Variants in SNX29 observed in about 807,000 individuals in gnomAD.
The protein encoded by SNX29 is sorting nexin-29.
Under a neutral mutation model 102.1 loss-of-function variants are expected in SNX29, and 78 were observed. The observed-to-expected ratio is 0.76, with a 90% CI of 0.64 to 0.92. SNX29 has a LOEUF of 0.92. SNX29 is among the 40% of genes least tolerant of loss of function. SNX29 has a pLI of 0.00. For missense variants in SNX29, 1,280 were observed against 1,061.7 expected, an observed-to-expected ratio of 1.21 and a Z score of -2.86; for synonymous variants, 580 against 414.5, an observed-to-expected ratio of 1.40 and a Z score of -4.85.
chr16:12,386,604 C>G (rs554317932), intron 16 of SNX29, among the ~76,000 whole-genome samples: 6 of 152,218 alleles, frequency 3.9e-5, no homozygotes, highest in African/African-American at 1.4e-4. Context: ...TGGTAAGATG[C>G]CATTCCAGAG....
chr16:12,028,603 A>G (rs1209836839), intron 4 of SNX29, among the ~76,000 whole-genome samples: 1 of 150,990 alleles, frequency 6.6e-6, no homozygotes, highest in Non-Finnish European at 1.5e-5. Flanking sequence ...GGCTCAAGTG[A>G]TCTTCCCACC....
intron 19 of SNX29, among the ~76,000 whole-genome samples, chr16:12,513,091 G>A (rs2089704809): frequency 1.3e-5 from 2 of 152,006 alleles, no homozygotes; most frequent in Non-Finnish European, 2.9e-5. Context: ...ATCCTGCCCT[G>A]CGTACCCCTT....
intron 11 of SNX29, among the ~76,000 whole-genome samples, chr16:12,090,766 T>A (rs2052486188): frequency 6.6e-6 from 1 of 151,968 alleles, no homozygotes; most frequent in African/African-American, 2.4e-5. Flanking sequence ...ATCCCAGCAC[T>A]TTGGGAGGCT....
At chr16:12,147,776 G>C (rs937688251) in intron 13 of SNX29, among the ~76,000 whole-genome samples, 1 of 152,178 alleles carries the variant, frequency 6.6e-6, no homozygotes, top group Non-Finnish European at 1.5e-5. Flanking sequence ...TTCACAAGGT[G>C]GCAATTTCCA....
intron 8 of SNX29, among the ~76,000 whole-genome samples, chr16:12,059,119 C>A (rs891836398): frequency 6.6e-6 from 1 of 152,070 alleles, no homozygotes; most frequent in Admixed American, 6.6e-5. Flanking sequence ...GGGCTCACTT[C>A]TCGGGTTTGG....
At chr16:12,348,405 A>C (rs1049841867) in intron 15 of SNX29, among the ~76,000 whole-genome samples, 1 of 152,306 alleles carries the variant, frequency 6.6e-6, no homozygotes, top group Middle Eastern at 3.4e-3. Flanking sequence ...TACTTACTCT[A>C]GGTGCCCCTT....
chr16:12,565,639 CAT>C (rs939761072), intron 20 of SNX29, among the ~76,000 whole-genome samples: 9 of 152,232 alleles, frequency 5.9e-5, no homozygotes, highest in African/African-American at 2.2e-4. Flanking sequence ...ACATGTGACA[CAT>C]ATAGCCTCGT....
chr16:12,081,409 A>C lies in SNX29; in HGVS notation c.1402+2494A>C, dbSNP rs531252472. On this transcript the variant is annotated intron_variant, in intron 11 of 20. Transcript: ENST00000566228. ...GCCGGAAAAGTAGGGATTGAAACCAAACAGCCACATCCTGCCATCAGGATG... is the reference window on the plus strand; with the variant it reads ...GCCGGAAAAGTAGGGATTGAAACCACACAGCCACATCCTGCCATCAGGATG... 5.9e-5 allele frequency: 9 copies of C among 152,292 alleles called. No individual in the cohort carries two copies. In the East Asian group the frequency reaches 1.7e-3, roughly 29 times the overall value. 9.4% of individuals were successfully genotyped at this position (152,292 alleles called of 1,614,324 possible). A position where few individuals can be genotyped will look rare whatever the true frequency, so the allele number is the denominator to read the frequency against.
chr16:12,282,215 C>T lies in SNX29; in HGVS notation c.1782+4179C>T, dbSNP rs1035777255. 4.6e-5 allele frequency among the ~76,000 whole-genome samples: 7 copies of T among 151,774 alleles called. No individual in the cohort carries two copies. In the South Asian group the frequency reaches 6.2e-4, roughly 14 times the overall value. ...TCATTGAAGAAGAAGGTTAACTTGACGGAAGAGACGATCACTACCGATGTT... is the reference window on the plus strand; with the variant it reads ...TCATTGAAGAAGAAGGTTAACTTGATGGAAGAGACGATCACTACCGATGTT... On this transcript the variant is annotated intron_variant, in intron 15 of 20. Coordinates refer to ENST00000566228, the MANE Select transcript of SNX29 (RefSeq NM_032167.5).
chr16:12,380,604 T>TCCATCCACCCAC (rs2083056091), intron 16 of SNX29, among the ~76,000 whole-genome samples: 1 of 21,096 alleles, frequency 4.7e-5, no homozygotes, highest in East Asian at 1.8e-3. Flanking sequence ...CATCCACCCA[T>TCCATCCACCCAC]CCACCATCCA....
chr16:12,554,453 C>T (rs993824197), intron 20 of SNX29, among the ~76,000 whole-genome samples: 2 of 152,240 alleles, frequency 1.3e-5, no homozygotes, highest in Non-Finnish European at 2.9e-5. Flanking sequence ...CCTGCCATGC[C>T]AGGTCCATGG....
At chr16:12,536,753 G>C (rs192106181) in intron 20 of SNX29, among the ~76,000 whole-genome samples, 1 of 152,122 alleles carries the variant, frequency 6.6e-6, no homozygotes, top group Non-Finnish European at 1.5e-5. Context: ...CAAGGCAGGC[G>C]GATCAGGAGG....
chr16:12,017,579 G>A (rs1293317982), intron 3 of SNX29, among the ~76,000 whole-genome samples: 2 of 152,128 alleles, frequency 1.3e-5, no homozygotes, highest in African/African-American at 2.4e-5. Flanking sequence ...ACCTTAAAAT[G>A]TTTTGGTTTT....
At chr16:11,999,462 A>C in intron 2 of SNX29, 104 bp downstream of exon 2, 3 of 1,095,380 alleles carry the variant, frequency 2.7e-6, no homozygotes, top group Non-Finnish European at 4.0e-6. Flanking sequence ...CTCCCACTTT[A>C]TACCTGGGAA....
At chr16:12,452,176 C>G (rs921496154) in intron 18 of SNX29, among the ~76,000 whole-genome samples, 1 of 152,196 alleles carries the variant, frequency 6.6e-6, no homozygotes, top group Non-Finnish European at 1.5e-5. Flanking sequence ...CTGAGTGGCC[C>G]TGGGCAACTC....
intron 1 of SNX29, among the ~76,000 whole-genome samples, chr16:11,979,302 G>T: frequency 1.1e-5 from 1 of 90,886 alleles, no homozygotes; most frequent in Admixed American, 1.1e-4. Context: ...AAAAAAAATC[G>T]TTACATCTAA....
At chr16:12,166,128 G>T (rs938047785) in intron 13 of SNX29, among the ~76,000 whole-genome samples, 1 of 152,216 alleles carries the variant, frequency 6.6e-6, no homozygotes, top group African/African-American at 2.4e-5. Context: ...AGCAGTCTTG[G>T]TTAAAAATGT....
rs962396063 is a variant in SNX29 at position 12,536,965 on chromosome 16, G to T, written c.2318+12124G>T. ...CACTCCAGCCTAGGCGACAGAGTGAGAGAGAACCCGTCTTAAAAAAATAAA... is the reference window on the plus strand; with the variant it reads ...CACTCCAGCCTAGGCGACAGAGTGATAGAGAACCCGTCTTAAAAAAATAAA... On this transcript the variant is annotated intron_variant, in intron 20 of 20. Transcript: ENST00000566228. 2.6e-5 allele frequency among the ~76,000 whole-genome samples: 4 copies of T among 151,538 alleles called. 1 individual carries two copies. The highest frequency in any genetic ancestry group is 2.6e-4 in the Admixed American group (4 of 15,200).
At position 12,300,337 on chromosome 16, in the gene SNX29, T is replaced by C. The variant is rs542899560; in HGVS notation, c.1782+22301T>C. The stretch of plus-strand genomic sequence containing the variant: ...CAAGGCAGAGTTGATCACATTTTCC[T>C]TCCTGTCCCCATAATGCCTTGGAGA... On this transcript the variant is annotated intron_variant, in intron 15 of 20. Transcript: ENST00000566228. 7.9e-5 allele frequency among the ~76,000 whole-genome samples: 12 copies of C among 152,336 alleles called. No individual in the cohort carries two copies. The South Asian group carries it at 1.2e-3, about 16-fold the overall frequency.
Sources: allele counts gnomAD v4.1 joint callset (sites outside exome capture counted in the v4.1 genomes callset), GRCh38; gene constraint gnomAD v4.1.1; transcripts MANE v1.5; gene names NCBI Gene and HGNC (gene_info 2026-07-23, HGNC 2026-07-21).